Variants in KAT6B observed in about 807,000 individuals in gnomAD.
The protein encoded by KAT6B is histone acetyltransferase KAT6B.
A neutral mutation model predicts 187.5 loss-of-function variants in KAT6B; 10 were observed. That is an observed-to-expected ratio of 0.05 (90% CI 0.03 to 0.09). KAT6B has a LOEUF of 0.09. KAT6B is among the 10% of genes least tolerant of loss of function. KAT6B has a pLI of 1.00. For synonymous variants in KAT6B, 861 were observed against 926.8 expected (o/e 0.93, Z 1.29); for missense variants, 1,952 against 2,558.9 (o/e 0.76, Z 5.12).
chr10:75,021,031 C>A, intron 14 of KAT6B, 95 bp from the exon 15 acceptor site: 3 of 1,258,088 alleles, frequency 2.4e-6, no homozygotes, highest in Non-Finnish European at 3.5e-6. Context: ...TTTTTCCTAA[C>A]GCAGATAACA....
At chr10:74,837,537 T>C (rs995205224) in intron 1 of KAT6B, among the ~76,000 whole-genome samples, 50 of 152,052 alleles carry the variant, frequency 3.3e-4, no homozygotes, top group African/African-American at 1.1e-3. Context: ...AAAAGAGAAA[T>C]AGTGTGGATA....
intron 3 of KAT6B, among the ~76,000 whole-genome samples, chr10:74,893,620 C>T (rs1845790192): frequency 6.6e-6 from 1 of 151,964 alleles, no homozygotes; most frequent in Non-Finnish European, 1.5e-5. Flanking sequence ...CAGGCATGCA[C>T]CACCACGCCC....
chr10:74,980,754 A>G lies in KAT6B; in HGVS notation c.2232-1033A>G, dbSNP rs185106302. On this transcript the variant is annotated intron_variant, in intron 10 of 17. Coordinates refer to ENST00000287239, the MANE Select transcript of KAT6B (RefSeq NM_012330.4). ...GTTCATTAAGATATGGAAATAAAAAATGTTCTGATTTTTAAGGTGGAGAAA... is the reference window on the plus strand; with the variant it reads ...GTTCATTAAGATATGGAAATAAAAAGTGTTCTGATTTTTAAGGTGGAGAAA... Among the ~76,000 whole-genome samples, 68 of 152,374 alleles carry G rather than the reference A, an allele frequency of 4.5e-4. 1 individual carries two copies. The South Asian group carries it at 8.9e-3, about 20-fold the overall frequency.
Position 75,020,774 on chromosome 10 carries a change from C to G in KAT6B, c.2822C>G (p.Thr941Ser), listed in dbSNP as rs1416204019. ...TGMCPHDIAT[T>S]LQHLHMIDKR... ...ATGTGCCCACATGACATTGCCACCA[C>G]TCTGCAGCACCTCCACATGATCGAC... Residue 941 changes from threonine (T) to serine (S), a missense_variant, in exon 14 of 18, where the codon ACT becomes AGT. This residue lies in a region of KAT6B where 758 missense variants were observed against 891.4 expected (regional missense o/e 0.85). Coordinates refer to ENST00000287239, the MANE Select transcript of KAT6B (RefSeq NM_012330.4). The G allele has an allele frequency of 6.2e-7, 1 of 1,614,070 alleles. No homozygotes were observed. The highest frequency in any genetic ancestry group is 1.3e-5 in the African/African-American group (1 of 74,912).
At chr10:74,905,319 CTCTA>C (rs1564554434) in intron 3 of KAT6B, among the ~76,000 whole-genome samples, 1 of 152,202 alleles carries the variant, frequency 6.6e-6, no homozygotes, top group Non-Finnish European at 1.5e-5. Context: ...CCTGCCTGCT[CTCTA>C]GGGAAACCGT....
intron 6 of KAT6B, among the ~76,000 whole-genome samples, chr10:74,971,321 T>C (rs892337362): frequency 6.6e-6 from 1 of 152,208 alleles, no homozygotes; most frequent in South Asian, 2.1e-4. Flanking sequence ...TTTCAGGCTG[T>C]CCAGCAGTAT....
intron 3 of KAT6B, among the ~76,000 whole-genome samples, chr10:74,900,086 A>AT (rs1261702603): frequency 4.0e-5 from 6 of 151,856 alleles, no homozygotes; most frequent in Admixed American, 6.6e-5. Flanking sequence ...AACTTTTCTG[A>AT]TTTTTTTTAT....
intron 3 of KAT6B, among the ~76,000 whole-genome samples, chr10:74,850,371 A>G (rs897762750): frequency 2.6e-5 from 4 of 152,234 alleles, no homozygotes; most frequent in African/African-American, 9.6e-5. Context: ...GGCAGTAGAG[A>G]AAGTAGTAAG....
chr10:75,023,581 ATTCTC>A (rs1372542043), intron 16 of KAT6B: 1 of 152,206 alleles, frequency 6.6e-6, no homozygotes, highest in African/African-American at 2.4e-5. Flanking sequence ...ATTAGGGAAA[ATTCTC>A]ATGGATTAAA....
chr10:74,937,113 A>G (rs890815646), intron 3 of KAT6B, among the ~76,000 whole-genome samples: 1 of 152,232 alleles, frequency 6.6e-6, no homozygotes, highest in Non-Finnish European at 1.5e-5. Flanking sequence ...TAAGGCGATC[A>G]TGCTTTTTAT....
intron 10 of KAT6B, among the ~76,000 whole-genome samples, chr10:74,980,253 G>A (rs893414541): frequency 4.6e-5 from 7 of 152,192 alleles, no homozygotes; most frequent in African/African-American, 1.7e-4. Flanking sequence ...ATCCCAAAAT[G>A]GGTACATTGA....
intron 3 of KAT6B, among the ~76,000 whole-genome samples, chr10:74,845,312 G>GAGGTCAGC (rs1842012095): frequency 6.6e-6 from 1 of 152,026 alleles, no homozygotes; most frequent in South Asian, 2.1e-4. Flanking sequence ...CCAATTGCCT[G>GAGGTCAGC]AGTTTGAGAC....
rs200402990 is a variant in KAT6B, at chr10:74,866,541, AT to A, written c.621+23066del. Among the ~76,000 whole-genome samples, 330 of 152,226 alleles carry A rather than the reference AT, an allele frequency of 2.2e-3. 1 individual carries two copies. The highest frequency in any genetic ancestry group is 7.6e-3 in the African/African-American group (316 of 41,546). The stretch of plus-strand genomic sequence containing the variant: ...TTGGAAAAATAAATGTAATTAGAAT[AT>A]TTACTTAAAATTAAATTGCCTCATT... On this transcript the variant is annotated intron_variant, in intron 3 of 17. Transcript: ENST00000287239.
Position 74,842,951 on chromosome 10 carries a change from A to C in KAT6B, c.94A>C (p.Ile32Leu). The C allele has an allele frequency of 6.2e-7, 1 of 1,614,222 alleles. No individual in the cohort carries two copies. Among genetic ancestry groups the C allele is most frequent in the South Asian group, 1.1e-5 (1 of 91,080 alleles). Residue 32 changes from isoleucine (I) to leucine (L), a missense_variant, in exon 3 of 18, where the codon ATC becomes CTC. Physicochemically the swap from Ile to Leu is conservative, Grantham distance 5 (BLOSUM62 2). Around this residue, in one of 9 missense-constraint regions of KAT6B, gnomAD observed 218 missense variants for 282.6 expected, o/e 0.77. Coordinates refer to ENST00000287239, the MANE Select transcript of KAT6B (RefSeq NM_012330.4). Reference protein sequence around the residue: ...KQKQRPSEERICHAVSTSHGL... With the variant: ...KQKQRPSEERLCHAVSTSHGL... ...AAAGCAAAGGCCCTCTGAAGAGAGA[A>C]TCTGCCATGCGGTCAGTACTTCCCA...
chr10:75,002,560 G>A (rs1477768736), intron 13 of KAT6B, among the ~76,000 whole-genome samples: 2 of 151,834 alleles, frequency 1.3e-5, no homozygotes, highest in Non-Finnish European at 2.9e-5. Context: ...GACCTAAGTC[G>A]AAGTCTATAG....
chr10:74,880,624 GT>G (rs71145746), intron 3 of KAT6B, among the ~76,000 whole-genome samples: 2 of 151,284 alleles, frequency 1.3e-5, no homozygotes, highest in Admixed American at 6.6e-5. Flanking sequence ...TCTTACTGAT[GT>G]TTTTTTTTGA....
At chr10:75,018,134 C>T (rs1415700263) in intron 13 of KAT6B, among the ~76,000 whole-genome samples, 2 of 152,230 alleles carry the variant, frequency 1.3e-5, no homozygotes, top group African/African-American at 4.8e-5. Context: ...CTTGGGTTTG[C>T]AGTTGTCTTC....
intron 3 of KAT6B, among the ~76,000 whole-genome samples, chr10:74,865,519 CTT>C (rs757471353): frequency 9.1e-5 from 13 of 143,408 alleles, no homozygotes; most frequent in South Asian, 2.2e-4. Flanking sequence ...ATTATTTTAT[CTT>C]TTTTTTTTTT....
In KAT6B at chr10:74,912,967, A is replaced by G. The variant is rs533911555; in HGVS notation, c.622-47003A>G. ...TTGCTATTGATTGGGTTGTTCAGTC[A>G]ATTGCAAAAAAGTGGATCTAACTGT... On this transcript the variant is annotated intron_variant, in intron 3 of 17. Coordinates refer to ENST00000287239, the MANE Select transcript of KAT6B (RefSeq NM_012330.4). Among the ~76,000 whole-genome samples, 10 of 152,326 alleles carry G rather than the reference A, an allele frequency of 6.6e-5. No homozygotes were observed. The South Asian group carries it at 2.1e-3, about 32-fold the overall frequency.
Sources: gnomAD v4.1 joint callset for allele counts (sites outside exome capture counted in the v4.1 genomes callset) on GRCh38, gnomAD v4.1.1 for gene constraint, gnomAD v4.1.1 regional missense constraint, MANE v1.5 for transcripts, NCBI Gene and HGNC (gene_info 2026-07-23, HGNC 2026-07-21) for gene names.